Variants in RGS6 observed in about 807,000 individuals in gnomAD.
The protein encoded by RGS6 is regulator of G-protein signaling 6.
RGS6 carries 30 observed loss-of-function variants against 78.5 expected under a neutral mutation model. The observed-to-expected ratio is 0.38, with a 90% CI of 0.29 to 0.52. The LOEUF (loss-of-function observed/expected upper bound fraction) is 0.52, where lower values mean the gene tolerates loss of function less well. Ranked by LOEUF, RGS6 falls within the 20% of genes least tolerant of loss-of-function variation. The pLI is 0.85. For missense variants in RGS6, 495 were observed against 609.7 expected (o/e 0.81, Z 1.98); for synonymous variants, 206 against 206.0 (o/e 1.00, Z 0.00).
chr14:72,340,651 T>A (rs543335111), intron 2 of RGS6, among the ~76,000 whole-genome samples: 1 of 152,334 alleles, frequency 6.6e-6, no homozygotes, highest in South Asian at 2.1e-4. Context: ...TTAAGCCTTC[T>A]CAAGGCTTTC....
intron 2 of RGS6, among the ~76,000 whole-genome samples, chr14:72,188,217 A>T (rs1290547886): frequency 6.6e-6 from 1 of 152,132 alleles, no homozygotes; most frequent in African/African-American, 2.4e-5. Flanking sequence ...AACAATATAT[A>T]CTCAATAAAC....
At chr14:72,624,089 C>CT in the RGS6 span, among the ~76,000 whole-genome samples, 1 of 151,952 alleles carries the variant, frequency 6.6e-6, no homozygotes, top group Admixed American at 6.6e-5. Flanking sequence ...TTTTTAAAAC[C>CT]TTAGTCACCT....
chr14:72,124,866 C>A (rs1207896558), intron 2 of RGS6, among the ~76,000 whole-genome samples: 5 of 152,120 alleles, frequency 3.3e-5, no homozygotes, highest in Non-Finnish European at 4.4e-5. Context: ...ACTCCCATGC[C>A]CTTCTCCAGT....
rs2097692886 is a variant in RGS6, at chr14:72,562,984, C to G, written c.*517C>G. On this transcript the variant is annotated 3_prime_UTR_variant, in exon 18 of 18. Transcript: ENST00000553525. ...CCTGTCATCCCTCACGTCTCTGTGG[C>G]CACCCGGGTGTCACTGCCAGCACCA... 1 of 589,132 alleles carries G rather than the reference C, an allele frequency of 1.7e-6. No individual in the cohort carries two copies. The highest frequency in any genetic ancestry group is 3.0e-6 in the Non-Finnish European group (1 of 328,148). The allele number at this position is 589,132 out of a possible 1,614,324, so 36.5% of individuals were successfully genotyped here. A position where few individuals can be genotyped will look rare whatever the true frequency, so the allele number is the denominator to read the frequency against.
At chr14:72,470,126 C>T in intron 8 of RGS6, 43 bp downstream of exon 8, 1 of 1,450,642 alleles carries the variant, frequency 6.9e-7, no homozygotes, top group Non-Finnish European at 9.7e-7. Flanking sequence ...GGAAAAGACT[C>T]TGGAATTTGG....
At chr14:72,047,253 C>A (rs2092921134) in intron 2 of RGS6, among the ~76,000 whole-genome samples, 1 of 152,108 alleles carries the variant, frequency 6.6e-6, no homozygotes, top group Admixed American at 6.6e-5. Context: ...TATAGAAGCC[C>A]ATGATTAAAC....
intron 14 of RGS6, among the ~76,000 whole-genome samples, chr14:72,515,051 T>C (rs12323414): frequency 0.013 from 1,953 of 152,296 alleles, 36 homozygotes; most frequent in African/African-American, 0.045. Flanking sequence ...CCAGTGATGG[T>C]AAACACATAC....
intron 2 of RGS6, among the ~76,000 whole-genome samples, chr14:72,347,889 A>G (rs2078360672): frequency 6.6e-6 from 1 of 152,236 alleles, no homozygotes; most frequent in Non-Finnish European, 1.5e-5. Context: ...TCCTAGAGGC[A>G]GAAAAGTGCA....
chr14:72,459,271 A>G (rs577610631), intron 5 of RGS6, among the ~76,000 whole-genome samples: 10 of 152,330 alleles, frequency 6.6e-5, no homozygotes, highest in Admixed American at 2.6e-4. Context: ...AGGGTGTGGG[A>G]GAAGAGTTCT....
rs370145474 is a variant in RGS6 at position 72,386,525 on chromosome 14, G to A, written c.184+34331G>A. On this transcript the variant is annotated intron_variant, in intron 3 of 17. Transcript: ENST00000553525. ...TGCACTCCAGCCTGAGCGACAGAGC[G>A]AGACTCCATCTCAAAATAATAATAA... Among the ~76,000 whole-genome samples the A allele has an allele frequency of 3.6e-4, 55 of 152,242 alleles. 1 individual carries two copies. In the South Asian group the frequency reaches 9.5e-3, roughly 26 times the overall value.
chr14:71,921,957 C>T, the RGS6 span, among the ~76,000 whole-genome samples: 3 of 152,208 alleles, frequency 2.0e-5, no homozygotes, highest in Non-Finnish European at 4.4e-5. Flanking sequence ...CCCTGTTTTG[C>T]TCTCTGTAGA....
rs539289934 is a variant in RGS6, at chr14:72,434,177, A to T, written c.185-20351A>T. The stretch of plus-strand genomic sequence containing the variant: ...GTAGCAAGCTCTCATCTCCACAAAA[A>T]AATTAAAAAATTATCCAGAGGTGGT... On this transcript the variant is annotated intron_variant, in intron 3 of 17. Coordinates refer to ENST00000553525, the MANE Select transcript of RGS6 (RefSeq NM_001204424.2). Among the ~76,000 whole-genome samples the T allele has an allele frequency of 3.9e-4, 59 of 152,190 alleles. 1 individual carries two copies. Among genetic ancestry groups the T allele is most frequent in the African/African-American group, 1.1e-3 (47 of 41,504 alleles).
chr14:72,251,622 G>A (rs847242), intron 2 of RGS6, among the ~76,000 whole-genome samples: 149,051 of 152,314 alleles, frequency 0.98, 72,938 homozygotes, highest in East Asian at 1. Context: ...CAGAACAACA[G>A]ATGCCACATC....
intron 15 of RGS6, among the ~76,000 whole-genome samples, chr14:72,533,963 A>T (rs1208624799): frequency 3.9e-5 from 6 of 152,260 alleles, no homozygotes; most frequent in Non-Finnish European, 8.8e-5. Flanking sequence ...ATAAAGCAGC[A>T]GCAGGATTTG....
At chr14:72,233,476 C>G (rs1034920595) in intron 2 of RGS6, among the ~76,000 whole-genome samples, 1 of 152,164 alleles carries the variant, frequency 6.6e-6, no homozygotes, top group Non-Finnish European at 1.5e-5. Context: ...GATGGCTTAT[C>G]AATGTGGAAA....
intron 3 of RGS6, among the ~76,000 whole-genome samples, chr14:72,449,501 T>G (rs2095442489): frequency 6.6e-6 from 1 of 152,202 alleles, no homozygotes; most frequent in Non-Finnish European, 1.5e-5. Context: ...TCTACAATTT[T>G]GGAGGAGCTT....
chr14:72,022,383 G>A (rs990310672), intron 2 of RGS6: 2 of 151,926 alleles, frequency 1.3e-5, no homozygotes, highest in African/African-American at 4.8e-5. Context: ...GAACTAATTT[G>A]TTTTTCTTTT....
chr14:72,073,294 C>T (rs757636328), intron 2 of RGS6, among the ~76,000 whole-genome samples: 1 of 152,078 alleles, frequency 6.6e-6, no homozygotes, highest in Non-Finnish European at 1.5e-5. Flanking sequence ...ATAACAAAAC[C>T]GGTATTACCA....
chr14:72,504,275 A>C (rs527268785), intron 13 of RGS6, among the ~76,000 whole-genome samples: 1 of 152,360 alleles, frequency 6.6e-6, no homozygotes, highest in South Asian at 2.1e-4. Context: ...AGAATTTTTC[A>C]GATCTTCAGG....
Sources: allele counts gnomAD v4.1 joint callset (sites outside exome capture counted in the v4.1 genomes callset), GRCh38; gene constraint gnomAD v4.1.1; transcripts MANE v1.5; gene names NCBI Gene and HGNC (gene_info 2026-07-23, HGNC 2026-07-21).